Variants in SEPTIN9 observed in about 807,000 individuals in gnomAD.
The protein encoded by SEPTIN9 is septin-9.
A neutral mutation model predicts 56.6 loss-of-function variants in SEPTIN9; 13 were observed. That is an observed-to-expected ratio of 0.23 (90% CI 0.15 to 0.37). The LOEUF is 0.37. Among genes scored for constraint, SEPTIN9 ranks in the 10% least tolerant of loss-of-function variants. The probability of loss-of-function intolerance (pLI) is 1.00; values close to 1 mark genes in which losing one functional copy is unlikely to be tolerated. For synonymous variants in SEPTIN9, 332 were observed against 334.1 expected (o/e 0.99, Z 0.07); for missense variants, 650 against 823.1 (o/e 0.79, Z 2.57).
At chr17:77,477,430 G>T (rs972393958) in intron 3 of SEPTIN9, among the ~76,000 whole-genome samples, 4 of 152,168 alleles carry the variant, frequency 2.6e-5, no homozygotes, top group Non-Finnish European at 4.4e-5. Context: ...TCTTGCAGTT[G>T]GAATGTTTTC....
At chr17:77,322,913 C>G (rs547322224) in intron 2 of SEPTIN9, 1 of 152,502 alleles carries the variant, frequency 6.6e-6, no homozygotes, top group Non-Finnish European at 1.5e-5. Flanking sequence ...GAGGCCTGCC[C>G]GGCAGATGCC....
chr17:77,397,482 G>A (rs1291471802), intron 2 of SEPTIN9, among the ~76,000 whole-genome samples: 1 of 152,100 alleles, frequency 6.6e-6, no homozygotes, highest in Non-Finnish European at 1.5e-5. Flanking sequence ...TCACATTCGT[G>A]GGTTCTTGGG....
rs754858859 is a variant in SEPTIN9, at chr17:77,402,368, G to T, written c.386G>T (p.Arg129Leu). 3.7e-6 allele frequency: 6 copies of T among 1,612,132 alleles called. No individual in the cohort carries two copies. The highest frequency in any genetic ancestry group is 1.1e-5 in the South Asian group (1 of 90,984). The part of the protein sequence containing the change: ...VENAGAIGPS[R>L]FGLKRAEVLG... ...AACGCCGGGGCCATCGGCCCGTCCC[G>T]GTTCGGGCTCAAGAGGGCCGAGGTG... is the stretch of plus-strand genomic sequence containing the variant. The change falls in exon 3 of 12, where the codon CGG becomes CTG. Residue 129 changes from arginine to leucine, a missense_variant. This residue lies in a region of SEPTIN9 where 317 missense variants were observed against 329.1 expected (regional missense o/e 0.96). Transcript: ENST00000427177. The surrounding 1 kb of genome is among the most constrained non-coding windows in gnomAD (Gnocchi z 6.6).
Position 77,425,957 on chromosome 17 carries a change from C to T in SEPTIN9, c.721+23254C>T, listed in dbSNP as rs111536166. On this transcript the variant is annotated intron_variant, in intron 3 of 11. Coordinates refer to ENST00000427177, the MANE Select transcript of SEPTIN9 (RefSeq NM_001113491.2). The surrounding 1 kb of genome is among the most constrained non-coding windows in gnomAD (Gnocchi z 4.2). ...GGCCCTGTGCAGAGGGGAGTGTGTG[C>T]GGCTGTGAGTTCAGGCCATGCCCTC... Among the ~76,000 whole-genome samples the T allele has an allele frequency of 3.3e-5, 5 of 152,264 alleles. No homozygotes were observed. Among genetic ancestry groups the T allele is most frequent in the South Asian group, 2.1e-4 (1 of 4,830 alleles).
intron 2 of SEPTIN9, among the ~76,000 whole-genome samples, chr17:77,385,830 C>G (rs1452397715): frequency 6.6e-6 from 1 of 152,180 alleles, no homozygotes; most frequent in Non-Finnish European, 1.5e-5. Flanking sequence ...GGGTCCTTGA[C>G]CTCTGCCCAG....
At chr17:77,480,637 TC>T (rs2039418189) in intron 3 of SEPTIN9, among the ~76,000 whole-genome samples, 1 of 152,152 alleles carries the variant, frequency 6.6e-6, no homozygotes, top group Non-Finnish European at 1.5e-5. Context: ...CCCTGCAGCC[TC>T]CCGTGCTGTG....
intron 2 of SEPTIN9, chr17:77,376,696 C>G (rs1284044148): frequency 6.6e-6 from 1 of 152,376 alleles, no homozygotes; most frequent in Non-Finnish European, 1.5e-5. Flanking sequence ...CGGCAAGTGA[C>G]CTGGCATGGG....
intron 2 of SEPTIN9, among the ~76,000 whole-genome samples, chr17:77,384,842 AACACACACACACACACACACACACACAC>A (rs146495461): frequency 7.0e-6 from 1 of 142,166 alleles, no homozygotes; most frequent in African/African-American, 2.7e-5. Context: ...AACCTGTTTA[AACACACACACACACACACACACACACAC>A]ACACACACAC....
At chr17:77,293,372 G>A (rs1032253656) in intron 1 of SEPTIN9, among the ~76,000 whole-genome samples, 2 of 152,134 alleles carry the variant, frequency 1.3e-5, no homozygotes, top group African/African-American at 4.8e-5. Flanking sequence ...ATGTTGCCCA[G>A]GTTGGTCTTG....
intron 11 of SEPTIN9, among the ~76,000 whole-genome samples, chr17:77,497,989 C>T (rs899825557): frequency 2.9e-4 from 44 of 152,144 alleles, no homozygotes; most frequent in Non-Finnish European, 5.1e-4. Context: ...ACTGGGCTTT[C>T]CAACCTCCCT....
intron 2 of SEPTIN9, among the ~76,000 whole-genome samples, chr17:77,368,846 C>T (rs1015362227): frequency 1.3e-5 from 2 of 152,242 alleles, no homozygotes; most frequent in East Asian, 1.9e-4. Context: ...TGTCCTGTTG[C>T]GGTTATGTTC....
At chr17:77,343,222 A>G (rs2033793540) in intron 2 of SEPTIN9, among the ~76,000 whole-genome samples, 1 of 152,200 alleles carries the variant, frequency 6.6e-6, no homozygotes, top group Non-Finnish European at 1.5e-5. Flanking sequence ...TAGAACTTGC[A>G]GCCTTTCCCA....
Position 77,450,459 on chromosome 17 carries a change from C to CCTCG in SEPTIN9, c.722-31684_722-31681dup. 1 of 984,828 alleles carries CCTCG rather than the reference C, an allele frequency of 1.0e-6. No individual in the cohort carries two copies. The highest frequency in any genetic ancestry group is 1.2e-6 in the Non-Finnish European group (1 of 829,376). The allele number at this position is 984,828 out of a possible 1,614,324, so 61.0% of individuals were successfully genotyped here. On this transcript the variant is annotated intron_variant, in intron 3 of 11. Transcript: ENST00000427177. This position sits in a 1 kb window ranked among gnomAD's most constrained non-coding sequence, Gnocchi z 6.0. The stretch of plus-strand genomic sequence containing the variant: ...GAATCCCTCCCAGCCCCCAGCAAGC[C>CCTCG]CTCGGAACGAGCCCACTCCCAGGCG...
intron 3 of SEPTIN9, among the ~76,000 whole-genome samples, chr17:77,467,816 CGAG>C (rs2038815247): frequency 6.6e-6 from 1 of 152,174 alleles, no homozygotes; most frequent in African/African-American, 2.4e-5. Context: ...CTGGGAGAGA[CGAG>C]GGGCCGGACG....
At chr17:77,446,498 G>A (rs956266005) in intron 3 of SEPTIN9, 1 of 153,056 alleles carries the variant, frequency 6.5e-6, no homozygotes, top group African/African-American at 2.4e-5. Context: ...TTACAGGCAT[G>A]TGCTACTACA....
intron 2 of SEPTIN9, among the ~76,000 whole-genome samples, chr17:77,328,665 C>G (rs1482361234): frequency 6.6e-6 from 1 of 152,174 alleles, no homozygotes; most frequent in Non-Finnish European, 1.5e-5. Flanking sequence ...CGTGCCTGGC[C>G]CGTCTGGTGA....
intron 2 of SEPTIN9, among the ~76,000 whole-genome samples, chr17:77,353,950 G>C (rs927994673): frequency 2.0e-5 from 3 of 152,138 alleles, no homozygotes; most frequent in Non-Finnish European, 4.4e-5. Context: ...GGCAGGTATA[G>C]TCCGTGAGAC....
chr17:77,361,537 C>T (rs1598253594), intron 2 of SEPTIN9, among the ~76,000 whole-genome samples: 1 of 151,502 alleles, frequency 6.6e-6, no homozygotes, highest in African/African-American at 2.4e-5. Context: ...GACATAGGTC[C>T]TGAGATTTTA....
Position 77,487,788 on chromosome 17 carries a change from G to A in SEPTIN9, c.1042+236G>A, listed in dbSNP as rs1416313737. ...CCTTCCTGGAGCACAGGGGTTGGGG[G>A]TCAAGACCATCACACACGGTCAGTG... On this transcript the variant is annotated intron_variant, in intron 5 of 11. Coordinates refer to ENST00000427177, the MANE Select transcript of SEPTIN9 (RefSeq NM_001113491.2). This position sits in a 1 kb window ranked among gnomAD's most constrained non-coding sequence, Gnocchi z 4.3. 2.0e-5 allele frequency among the ~76,000 whole-genome samples: 3 copies of A among 150,524 alleles called. No homozygotes were observed. The highest frequency in any genetic ancestry group is 4.4e-5 in the Non-Finnish European group (3 of 67,686).
Sources: gnomAD v4.1 joint callset for allele counts (sites outside exome capture counted in the v4.1 genomes callset) on GRCh38, gnomAD v4.1.1 for gene constraint, gnomAD v4.1.1 regional missense constraint, Gnocchi (gnomAD v3.1) non-coding constraint, MANE v1.5 for transcripts, NCBI Gene and HGNC (gene_info 2026-07-23, HGNC 2026-07-21) for gene names.